Variants in TVP23C observed in about 807,000 individuals in gnomAD.
TVP23C encodes trans-golgi network vesicle protein 23 homolog C.
A neutral mutation model predicts 28.7 loss-of-function variants in TVP23C; 19 were observed. That is an observed-to-expected ratio of 0.66 (90% CI 0.46 to 0.97). The LOEUF (loss-of-function observed/expected upper bound fraction) is 0.97, where lower values mean the gene tolerates loss of function less well. TVP23C is among the 50% of genes least tolerant of loss of function. The pLI is 0.00. For synonymous variants in TVP23C, 68 were observed against 81.7 expected, an observed-to-expected ratio of 0.83 and a Z score of 0.90; for missense variants, 186 against 241.3, an observed-to-expected ratio of 0.77 and a Z score of 1.52.
chr17:15,518,516 T>C (rs1982330979), intron 5 of TVP23C, among the ~76,000 whole-genome samples: 4 of 152,232 alleles, frequency 2.6e-5, no homozygotes, highest in Admixed American at 2.6e-4. Context: ...TCTCAGCAGC[T>C]GGTCAGCAAA....
chr17:15,547,764 A>T (rs1335050977), intron 3 of TVP23C, among the ~76,000 whole-genome samples: 1 of 152,216 alleles, frequency 6.6e-6, no homozygotes, highest in African/African-American at 2.4e-5. Context: ...TTACCAACTG[A>T]GTTAAGTCCT....
Position 15,521,320 on chromosome 17 carries a change from G to A in TVP23C, c.463-18088C>T, listed in dbSNP as rs1982466504. Among the ~76,000 whole-genome samples the A allele has an allele frequency of 2.0e-5, 3 of 152,048 alleles. No homozygotes were observed. In the South Asian group the frequency reaches 6.2e-4, roughly 31 times the overall value. On this transcript the variant is annotated intron_variant, in intron 5 of 5. Coordinates refer to the TVP23C transcript ENST00000225576. ...GAGATCAAGACCATCCTGCTAACATGGCAAAACCCCATCTCTACTAAATAT... is the reference window on the plus strand; with the variant it reads ...GAGATCAAGACCATCCTGCTAACATAGCAAAACCCCATCTCTACTAAATAT...
At chr17:15,551,421 T>C (rs1468748492) in intron 3 of TVP23C, among the ~76,000 whole-genome samples, 1 of 152,126 alleles carries the variant, frequency 6.6e-6, no homozygotes, top group Non-Finnish European at 1.5e-5. Context: ...TGCCATTAAA[T>C]TTTTAAAGCC....
downstream of TVP23C, among the ~76,000 whole-genome samples, chr17:15,535,957 T>G (rs1597526693): frequency 6.6e-6 from 1 of 152,174 alleles, no homozygotes; most frequent in African/African-American, 2.4e-5. Context: ...TTTGGGAGGC[T>G]GAGGCGGGCG....
rs1457966017 is a variant in TVP23C at position 15,537,736 on chromosome 17, T to C, written c.*2676A>G. Reference sequence around the variant, plus strand: ...AATCTACAGAAATAATATGTAAACATATAGAGCTTTGAGACAGACTAAGAA... The same window carrying C: ...AATCTACAGAAATAATATGTAAACACATAGAGCTTTGAGACAGACTAAGAA... On this transcript the variant is annotated 3_prime_UTR_variant, in exon 6 of 6. Transcript: ENST00000518321. 1.3e-5 allele frequency: 13 copies of C among 1,004,694 alleles called. No homozygotes were observed. The highest frequency in any genetic ancestry group is 1.5e-5 in the Non-Finnish European group (13 of 842,630). The allele number at this position is 1,004,694 out of a possible 1,614,324, so 62.2% of individuals were successfully genotyped here.
rs373297269 is a variant in TVP23C, at chr17:15,503,080, G to T, written c.615C>A (p.Phe205Leu). The T allele has an allele frequency of 5.0e-6, 8 of 1,614,040 alleles. No individual in the cohort carries two copies. The African/African-American group carries it at 6.7e-5, about 13-fold the overall frequency. Reference sequence around the variant, plus strand: ...AAAGAGCTCGATCCGTGATCCTCGTGAAAGAATTAATGTCTACCTGATGAA... The same window carrying T: ...AAAGAGCTCGATCCGTGATCCTCGTTAAAGAATTAATGTCTACCTGATGAA... The change falls in exon 6 of 6, where the codon TTC becomes TTA. Residue 205 changes from phenylalanine to leucine, a missense_variant. Transcript: ENST00000225576.
At chr17:15,531,950 T>C (rs1353785905) in intron 5 of TVP23C, among the ~76,000 whole-genome samples, 3 of 152,226 alleles carry the variant, frequency 2.0e-5, no homozygotes, top group Non-Finnish European at 2.9e-5. Context: ...AATGGTGGTA[T>C]GTCTAGTACC....
chr17:15,560,153 G>C (rs1394453269), intron 1 of TVP23C, among the ~76,000 whole-genome samples: 1 of 149,112 alleles, frequency 6.7e-6, no homozygotes, highest in Admixed American at 6.8e-5. Context: ...TCCGCCTCCC[G>C]GGTTCAAGGG....
At chr17:15,545,654 G>A (rs1463319034) in intron 5 of TVP23C, 131 bp downstream of exon 5, 2 of 1,348,514 alleles carry the variant, frequency 1.5e-6, no homozygotes, top group African/African-American at 2.9e-5. Context: ...AGCAAAACTT[G>A]GGAATTACAT....
At chr17:15,516,210 G>A (rs1327531685) in intron 5 of TVP23C, among the ~76,000 whole-genome samples, 2 of 152,184 alleles carry the variant, frequency 1.3e-5, no homozygotes, top group Non-Finnish European at 2.9e-5. Flanking sequence ...ACACAGCGAG[G>A]CCAAAGGCCA....
Position 15,537,814 on chromosome 17 carries a change from A to T in TVP23C, c.*2598T>A. 2 of 1,171,090 alleles carry T rather than the reference A, an allele frequency of 1.7e-6. No individual in the cohort carries two copies. The highest frequency in any genetic ancestry group is 2.1e-6 in the Non-Finnish European group (2 of 948,536). The allele number at this position is 1,171,090 out of a possible 1,614,324, so 72.5% of individuals were successfully genotyped here. A position where few individuals can be genotyped will look rare whatever the true frequency, so the allele number is the denominator to read the frequency against. ...TGCAAAGGTCTCCATTATCTGTGTA[A>T]ATGAACACTTTCATTAACTTGGGAT... On this transcript the variant is annotated 3_prime_UTR_variant, in exon 6 of 6. Coordinates refer to ENST00000518321, the MANE Select transcript of TVP23C (RefSeq NM_001135036.2).
chr17:15,504,055 A>G (rs8072242), intron 5 of TVP23C, among the ~76,000 whole-genome samples: 3,546 of 152,242 alleles, frequency 0.023, 147 homozygotes, highest in African/African-American at 0.079. Flanking sequence ...GAGAGCAAGC[A>G]TGCAGCCCTA....
At chr17:15,556,896 A>C (rs2532458) in intron 1 of TVP23C, among the ~76,000 whole-genome samples, 35,135 of 149,318 alleles carry the variant, frequency 0.24, 4,696 homozygotes, top group East Asian at 0.52. Flanking sequence ...ATAAAATTTA[A>C]CTCCTTCACA....
At chr17:15,541,710 T>C (rs1983417815) in intron 5 of TVP23C, among the ~76,000 whole-genome samples, 1 of 152,208 alleles carries the variant, frequency 6.6e-6, no homozygotes, top group African/African-American at 2.4e-5. Context: ...TGGTACTTTC[T>C]GTTCTAAACT....
At chr17:15,523,148 T>G (rs1381299117) in intron 5 of TVP23C, among the ~76,000 whole-genome samples, 6 of 150,704 alleles carry the variant, frequency 4.0e-5, no homozygotes, top group Non-Finnish European at 8.9e-5. Context: ...TAGCTAGGAC[T>G]ACAGGTGCAT....
chr17:15,515,505 T>G (rs1406663282), intron 5 of TVP23C, among the ~76,000 whole-genome samples: 1 of 152,144 alleles, frequency 6.6e-6, no homozygotes, highest in Non-Finnish European at 1.5e-5. Context: ...GCCTGAGACG[T>G]GAGCAATGAA....
At chr17:15,554,114 G>A (rs543681402) in intron 2 of TVP23C, among the ~76,000 whole-genome samples, 2 of 152,026 alleles carry the variant, frequency 1.3e-5, no homozygotes, top group Admixed American at 6.6e-5. Context: ...ACCTCTCTTG[G>A]AGAAATAAGG....
chr17:15,530,450 TATC>T (rs1278651183), intron 5 of TVP23C, among the ~76,000 whole-genome samples: 1 of 152,342 alleles, frequency 6.6e-6, no homozygotes, highest in East Asian at 1.9e-4. Context: ...TTTGTGCTAT[TATC>T]ATCATACAAA....
chr17:15,553,638 C>T (rs768658941), intron 3 of TVP23C, 47 bp downstream of exon 3: 1 of 1,548,930 alleles, frequency 6.5e-7, no homozygotes, highest in South Asian at 1.3e-5. Context: ...TTTTATACAT[C>T]ATTTTCATAT....
Sources: allele counts gnomAD v4.1 joint callset (sites outside exome capture counted in the v4.1 genomes callset), GRCh38; gene constraint gnomAD v4.1.1; transcripts MANE v1.5; gene names NCBI Gene and HGNC (gene_info 2026-07-23, HGNC 2026-07-21).